RNF185: variants seen among roughly 807,000 people sequenced by gnomAD.
RNF185 encodes E3 ubiquitin-protein ligase RNF185.
Under a neutral mutation model 24.9 loss-of-function variants are expected in RNF185, and 13 were observed. The observed-to-expected ratio is 0.52, with a 90% CI of 0.34 to 0.83. The LOEUF (loss-of-function observed/expected upper bound fraction) is 0.83, where lower values mean the gene tolerates loss of function less well. Among genes scored for constraint, RNF185 ranks in the 40% least tolerant of loss-of-function variants. RNF185 has a pLI of 0.01. For synonymous variants in RNF185, 79 were observed against 90.3 expected, an observed-to-expected ratio of 0.88 and a Z score of 0.71; for missense variants, 184 against 244.7, an observed-to-expected ratio of 0.75 and a Z score of 1.65.
intron 1 of RNF185, among the ~76,000 whole-genome samples, chr22:31,181,346 A>C (rs900105864): frequency 1.4e-5 from 2 of 147,186 alleles, no homozygotes; most frequent in Non-Finnish European, 3.0e-5. Context: ...CATCTCAAAA[A>C]AAAGAAAAAA....
intron 1 of RNF185, chr22:31,182,914 A>G (rs930930260): frequency 1.4e-5 from 2 of 147,038 alleles, no homozygotes; most frequent in Non-Finnish European, 3.0e-5. Context: ...TTTATTTATT[A>G]TTATTATTAT....
intron 1 of RNF185, among the ~76,000 whole-genome samples, chr22:31,165,626 C>T (rs1038454143): frequency 6.6e-6 from 1 of 152,142 alleles, no homozygotes; most frequent in African/African-American, 2.4e-5. Context: ...GGCTACTGAC[C>T]ATGCAGAGCT....
intron 1 of RNF185, among the ~76,000 whole-genome samples, chr22:31,166,582 C>CTT (rs397731724): frequency 1.2e-4 from 11 of 90,980 alleles, no homozygotes; most frequent in African/African-American, 1.4e-4. Flanking sequence ...TCTTCTTCTT[C>CTT]CCCTTCCCCT....
intron 1 of RNF185, among the ~76,000 whole-genome samples, chr22:31,183,907 C>G (rs1328087692): frequency 2.0e-5 from 3 of 148,322 alleles, no homozygotes; most frequent in African/African-American, 5.0e-5. Flanking sequence ...GTACACCTCC[C>G]AGACGGGGTG....
chr22:31,183,365 T>C (rs1439568208), intron 1 of RNF185, among the ~76,000 whole-genome samples: 3 of 151,772 alleles, frequency 2.0e-5, no homozygotes, highest in Non-Finnish European at 4.4e-5. Context: ...AAAATCTATA[T>C]GCATAATTTT....
intron 6 of RNF185, among the ~76,000 whole-genome samples, chr22:31,203,470 C>T (rs1018509211): frequency 6.6e-6 from 1 of 152,236 alleles, no homozygotes; most frequent in Non-Finnish European, 1.5e-5. Context: ...CAATCTTGAA[C>T]AGGTCACCTC....
chr22:31,173,262 A>G (rs1259716456), intron 1 of RNF185, among the ~76,000 whole-genome samples: 1 of 151,976 alleles, frequency 6.6e-6, no homozygotes, highest in Admixed American at 6.6e-5. Flanking sequence ...AAAAAAAAAA[A>G]ATTGACTCTA....
intron 1 of RNF185, among the ~76,000 whole-genome samples, chr22:31,186,531 G>GGT (rs1469325424): frequency 8.5e-5 from 13 of 152,186 alleles, no homozygotes. Flanking sequence ...GAACCTGGGA[G>GGT]GCAGAGGTTG....
chr22:31,199,438 A>G (rs934793005), intron 5 of RNF185, among the ~76,000 whole-genome samples: 36 of 152,204 alleles, frequency 2.4e-4, no homozygotes, highest in African/African-American at 8.7e-4. Context: ...CTAATGCAGG[A>G]ATCAGAGGCC....
intron 1 of RNF185, among the ~76,000 whole-genome samples, chr22:31,186,095 A>G (rs371897343): frequency 2.6e-5 from 4 of 152,302 alleles, no homozygotes; most frequent in South Asian, 4.1e-4. Flanking sequence ...GGTAAGTATT[A>G]CTGGTTTTCC....
intron 1 of RNF185, among the ~76,000 whole-genome samples, chr22:31,168,661 G>A (rs1924088191): frequency 1.3e-5 from 2 of 152,158 alleles, no homozygotes; most frequent in African/African-American, 2.4e-5. Context: ...CACAGCAGCT[G>A]TACCATTTTA....
At chr22:31,163,458 G>A (rs1923705455) in intron 1 of RNF185, among the ~76,000 whole-genome samples, 1 of 151,774 alleles carries the variant, frequency 6.6e-6, no homozygotes, top group African/African-American at 2.4e-5. Context: ...CACCCGAGTA[G>A]TTGGGACTAC....
chr22:31,182,107 T>TC (rs1397320226), intron 1 of RNF185, among the ~76,000 whole-genome samples: 3 of 144,388 alleles, frequency 2.1e-5, no homozygotes, highest in African/African-American at 5.0e-5. Context: ...TAACAGTAAT[T>TC]CCTTTTTTTT....
chr22:31,195,080 G>T (rs1157191769), intron 3 of RNF185, among the ~76,000 whole-genome samples: 1 of 152,048 alleles, frequency 6.6e-6, no homozygotes, highest in Non-Finnish European at 1.5e-5. Flanking sequence ...AGCCTCCCGA[G>T]TAGCTGGAAC....
rs1363667748 is a variant in RNF185 at position 31,191,823 on chromosome 22, G to A, written c.177-861G>A. 5.5e-5 allele frequency among the ~76,000 whole-genome samples: 5 copies of A among 90,602 alleles called. No individual in the cohort carries two copies. The East Asian group carries it at 2.6e-3, about 47-fold the overall frequency. 59.4% of individuals were successfully genotyped at this position (90,602 alleles called of 152,430 possible). A position where few individuals can be genotyped will look rare whatever the true frequency, so the allele number is the denominator to read the frequency against. On this transcript the variant is annotated intron_variant, in intron 2 of 6. Transcript: ENST00000326132. ...GCTTGGGCAACAAGAACAAAACTTC[G>A]TCTCAAAAAAAAAAAAAAAAAAAAG...
At position 31,205,421 on chromosome 22, in the gene RNF185, G is replaced by A. The variant is rs1390945085; in HGVS notation, c.*835G>A. The A allele has an allele frequency of 6.2e-6, 1 of 162,178 alleles. No homozygotes were observed. Among genetic ancestry groups the A allele is most frequent in the Non-Finnish European group, 1.5e-5 (1 of 68,088 alleles). 10.0% of individuals were successfully genotyped at this position (162,178 alleles called of 1,614,324 possible). A position where few individuals can be genotyped will look rare whatever the true frequency, so the allele number is the denominator to read the frequency against. Reference sequence around the variant, plus strand: ...ACTGCCGAAGCTGAGACTGACTACTGTGCATTAGGAAAGACCTGGAGTCAG... The same window carrying A: ...ACTGCCGAAGCTGAGACTGACTACTATGCATTAGGAAAGACCTGGAGTCAG... On this transcript the variant is annotated 3_prime_UTR_variant, in exon 7 of 7. Coordinates refer to ENST00000326132, the MANE Select transcript of RNF185 (RefSeq NM_152267.4).
chr22:31,174,702 G>A (rs2047964028), intron 1 of RNF185, among the ~76,000 whole-genome samples: 1 of 151,192 alleles, frequency 6.6e-6, no homozygotes, highest in South Asian at 2.1e-4. Context: ...TTTTAAAAAT[G>A]AAACATGGTA....
At chr22:31,194,945 T>C (rs1481112657) in intron 3 of RNF185, among the ~76,000 whole-genome samples, 1 of 151,668 alleles carries the variant, frequency 6.6e-6, no homozygotes, top group Non-Finnish European at 1.5e-5. Context: ...AGAAGCCTAA[T>C]TGTGATGATT....
chr22:31,182,109 C>CTTT (rs747537462), intron 1 of RNF185, among the ~76,000 whole-genome samples: 15 of 122,776 alleles, frequency 1.2e-4, no homozygotes, highest in East Asian at 2.7e-4. Flanking sequence ...ACAGTAATTC[C>CTTT]TTTTTTTTTT....
Sources: gnomAD v4.1 joint callset for allele counts (sites outside exome capture counted in the v4.1 genomes callset) on GRCh38, gnomAD v4.1.1 for gene constraint, MANE v1.5 for transcripts, NCBI Gene and HGNC (gene_info 2026-07-23, HGNC 2026-07-21) for gene names.